KRT82: variants seen among roughly 807,000 people sequenced by gnomAD.
The protein encoded by KRT82 is keratin, type II cuticular Hb2.
Under a neutral mutation model 48.0 loss-of-function variants are expected in KRT82, and 44 were observed. That is an observed-to-expected ratio of 0.92 (90% CI 0.72 to 1.18). KRT82 has a LOEUF of 1.18. KRT82 is among the 50% of genes most tolerant of loss of function. KRT82 has a pLI of 0.00. For missense variants in KRT82, 701 were observed against 671.4 expected, an observed-to-expected ratio of 1.04 and a Z score of -0.49; for synonymous variants, 297 against 278.3, an observed-to-expected ratio of 1.07 and a Z score of -0.67.
intron 6 of KRT82, 108 bp downstream of exon 6, chr12:52,396,775 C>T (rs1299288888): frequency 3.1e-6 from 4 of 1,273,152 alleles, no homozygotes; most frequent in Non-Finnish European, 4.4e-6. Context: ...CAAGTTTATT[C>T]CCTCTTCAAT....
At position 52,396,059 on chromosome 12, in the gene KRT82, G is replaced by T; in HGVS notation, c.1242C>A (p.Asp414Glu). ...GGCGCCTGTAGGTGGCGATCTCGAT[G>T]TCCAGGCCCAGCTTGGAGTTCATCA... Reference protein sequence around the residue: ...QEVMNSKLGLDIEIATYRRLL... With the variant: ...QEVMNSKLGLEIEIATYRRLL... Residue 414 changes from aspartate (D) to glutamate (E), a missense_variant, in exon 7 of 9, where the codon GAC (aspartate) becomes GAA (glutamate). Coordinates refer to ENST00000257974, the MANE Select transcript of KRT82 (RefSeq NM_033033.4). 2 of 1,614,180 alleles carry T rather than the reference G, an allele frequency of 1.2e-6. No homozygotes were observed. Among genetic ancestry groups the T allele is most frequent in the Non-Finnish European group, 1.7e-6 (2 of 1,180,040 alleles).
intron 5 of KRT82, among the ~76,000 whole-genome samples, chr12:52,399,012 A>G (rs1939751681): frequency 6.6e-6 from 1 of 151,570 alleles, no homozygotes. Context: ...AAATGACAAC[A>G]CCTTTGCCTT....
chr12:52,396,819 C>G, intron 6 of KRT82, 64 bp downstream of exon 6: 5 of 1,596,670 alleles, frequency 3.1e-6, no homozygotes, highest in Non-Finnish European at 4.3e-6. Context: ...CCGCCCTGCA[C>G]GGCACAGACT....
chr12:52,396,017 C>T lies in KRT82; in HGVS notation c.1284G>A (p.Glu428=), dbSNP rs771015006. 2.5e-6 allele frequency: 4 copies of T among 1,614,034 alleles called. No individual in the cohort carries two copies. The African/African-American group carries it at 5.3e-5, about 22-fold the overall frequency. Residue 428 remains glutamate (E), a synonymous_variant, in exon 7 of 9, where the codon GAG becomes GAA. Coordinates refer to ENST00000257974, the MANE Select transcript of KRT82 (RefSeq NM_033033.4). ...CCCCTCCTGGAGGAGCTCACCTGTGCTCTTCACCCTCCAGCAGGCGCCTGT... is the reference window on the plus strand; with the variant it reads ...CCCCTCCTGGAGGAGCTCACCTGTGTTCTTCACCCTCCAGCAGGCGCCTGT... ...ATYRRLLEGE[E]HRLCEGIGPV... is the part of the protein sequence containing the mutation.
chr12:52,394,689 T>G lies in KRT82; in HGVS notation c.*286A>C. 1 of 480,368 alleles carries G rather than the reference T, an allele frequency of 2.1e-6. No individual in the cohort carries two copies. The highest frequency in any genetic ancestry group is 3.8e-6 in the Non-Finnish European group (1 of 263,548). 29.8% of individuals were successfully genotyped at this position (480,368 alleles called of 1,614,324 possible). On this transcript the variant is annotated 3_prime_UTR_variant, in exon 9 of 9. Transcript: ENST00000257974. The stretch of plus-strand genomic sequence containing the variant: ...GTGTGCCCATTTGACCTTTTGGGGG[T>G]TATTGCCATTCTGCGGTTAAGAGCA...
In KRT82 at chr12:52,395,111, T is replaced by C. The variant is rs1939693977; in HGVS notation, c.1406A>G (p.Asn469Ser). Reference sequence around the variant, plus strand: ...AGTGCCCACGATGCTGCAGCCCCCATTGCTCCTGAGGACGCCAGTGCTGAG... The same window carrying C: ...AGTGCCCACGATGCTGCAGCCCCCACTGCTCCTGAGGACGCCAGTGCTGAG... The part of the protein sequence containing the change: ...PVLSTGVLRS[N>S]GGCSIVGTGE... Residue 469 changes from asparagine to serine, a missense_variant, in exon 9 of 9, where the codon AAT becomes AGT. Asn to Ser is a conservative substitution (Grantham distance 46). Transcript: ENST00000257974. 3.7e-6 allele frequency: 6 copies of C among 1,614,030 alleles called. No individual in the cohort carries two copies. Among genetic ancestry groups the C allele is most frequent in the Non-Finnish European group, 5.1e-6 (6 of 1,179,984 alleles).
intron 1 of KRT82, among the ~76,000 whole-genome samples, chr12:52,404,290 T>G (rs1012408180): frequency 6.6e-6 from 1 of 152,168 alleles, no homozygotes; most frequent in South Asian, 2.1e-4. Flanking sequence ...GGACAGTGTA[T>G]GGGAAGGGAC....
At position 52,396,075 on chromosome 12, in the gene KRT82, G is replaced by C; in HGVS notation, c.1226C>G (p.Ser409Cys). The C allele has an allele frequency of 6.2e-7, 1 of 1,614,132 alleles. No individual in the cohort carries two copies. The highest frequency in any genetic ancestry group is 1.3e-5 in the African/African-American group (1 of 75,022). ...LLKEYQEVMN[S>C]KLGLDIEIAT... ...GATCTCGATGTCCAGGCCCAGCTTG[G>C]AGTTCATCACCTCCTGATATTCCTT... The change falls in exon 7 of 9, where the codon TCC becomes TGC. Residue 409 changes from serine (S) to cysteine (C), a missense_variant. Transcript: ENST00000257974.
At chr12:52,402,033 C>T in intron 2 of KRT82, 1 of 152,338 alleles carries the variant, frequency 6.6e-6, no homozygotes, top group Non-Finnish European at 1.5e-5. Context: ...GCCTAGCCCC[C>T]TGGGTTTGAA....
At position 52,400,150 on chromosome 12, in the gene KRT82, C is replaced by T. The variant is rs1939768655; in HGVS notation, c.778-1G>A. 6.2e-7 allele frequency: 1 copy of T among 1,612,308 alleles called. No individual in the cohort carries two copies. Among genetic ancestry groups the T allele is most frequent in the Admixed American group, 1.7e-5 (1 of 59,972 alleles). On this transcript the variant is annotated splice_acceptor_variant, in intron 4 of 8. Coordinates refer to ENST00000257974, the MANE Select transcript of KRT82 (RefSeq NM_033033.4). LOFTEE classifies it high-confidence loss of function. ...TCTGAGACTGGAGCAGGCAGATCTC[C>T]TGGGGGCAGGGCCCATGTGAGAAGG... is the stretch of plus-strand genomic sequence containing the variant.
chr12:52,396,185 C>A lies in KRT82; in HGVS notation c.1116G>T (p.Glu372Asp). 1 of 1,614,124 alleles carries A rather than the reference C, an allele frequency of 6.2e-7. No individual in the cohort carries two copies. Among genetic ancestry groups the A allele is most frequent in the Non-Finnish European group, 8.5e-7 (1 of 1,180,036 alleles). The part of the protein sequence containing the change: ...GAIAEAEQQG[E>D]AALNDAKCKL... The stretch of plus-strand genomic sequence containing the variant: ...TGCACTTGGCATCATTGAGAGCCGC[C>A]TCGCCCTGCTGCTCTGCCTCAGCTA... The change falls in exon 7 of 9, where the codon GAG becomes GAT. Residue 372 changes from glutamate (E) to aspartate (D), a missense_variant. Physicochemically the swap from Glu to Asp is conservative, Grantham distance 45 (BLOSUM62 2). Coordinates refer to ENST00000257974, the MANE Select transcript of KRT82 (RefSeq NM_033033.4).
At chr12:52,398,348 G>A (rs1939741238) in intron 5 of KRT82, among the ~76,000 whole-genome samples, 1 of 152,100 alleles carries the variant, frequency 6.6e-6, no homozygotes, top group Admixed American at 6.5e-5. Context: ...GATGGAGCAT[G>A]TATTACAGAT....
chr12:52,397,072 C>T (rs746778784), intron 5 of KRT82, 64 bp from the exon 6 acceptor site: 19 of 1,582,476 alleles, frequency 1.2e-5, no homozygotes, highest in Non-Finnish European at 1.6e-5. Flanking sequence ...CCTCTTTTCT[C>T]ACTGTTCCCA....
intron 8 of KRT82, among the ~76,000 whole-genome samples, chr12:52,395,473 C>T (rs530117714): frequency 6.6e-6 from 1 of 152,342 alleles, no homozygotes; most frequent in South Asian, 2.1e-4. Context: ...CCTAAGCTTG[C>T]TTCAAATCCT....
chr12:52,405,390 T>G (rs1219577875), intron 1 of KRT82, among the ~76,000 whole-genome samples: 2 of 152,236 alleles, frequency 1.3e-5, no homozygotes, highest in African/African-American at 4.8e-5. Flanking sequence ...TAGCTCTGAC[T>G]GTCCACTTTC....
rs755734562 is a variant in KRT82 at position 52,403,959 on chromosome 12, T to A, written c.412-50A>T. The A allele has an allele frequency of 9.0e-6, 14 of 1,557,090 alleles. No individual in the cohort carries two copies. The South Asian group carries it at 1.6e-4, about 18-fold the overall frequency. ...CAGGCAGCAGAGATCCTGGGGACCA[T>A]GACTTAGAGAGGGCAATGGAATGAG... On this transcript the variant is annotated intron_variant, in intron 1 of 8. Coordinates refer to ENST00000257974, the MANE Select transcript of KRT82 (RefSeq NM_033033.4).
At chr12:52,404,529 G>C (rs1020102281) in intron 1 of KRT82, among the ~76,000 whole-genome samples, 1 of 152,192 alleles carries the variant, frequency 6.6e-6, no homozygotes, top group Non-Finnish European at 1.5e-5. Flanking sequence ...CTGAGATTAG[G>C]AGTTGAGTAA....
At chr12:52,399,340 G>A (rs1182118028) in intron 5 of KRT82, among the ~76,000 whole-genome samples, 2 of 152,246 alleles carry the variant, frequency 1.3e-5, no homozygotes, top group Non-Finnish European at 2.9e-5. Context: ...TGTCTGTTCT[G>A]TTCCCTGCTG....
chr12:52,396,199 C>G lies in KRT82; in HGVS notation c.1102G>C (p.Glu368Gln). ...CKLEGAIAEA[E>Q]QQGEAALNDA... ...TTGAGAGCCGCCTCGCCCTGCTGCT[C>G]TGCCTCAGCTATGGCACCCTCAAGT... The change falls in exon 7 of 9, where the codon GAG becomes CAG. Residue 368 changes from glutamate (E) to glutamine (Q), a missense_variant. Glu to Gln is a conservative substitution (Grantham distance 29). Transcript: ENST00000257974. The G allele has an allele frequency of 6.2e-7, 1 of 1,613,944 alleles. No individual in the cohort carries two copies. Among genetic ancestry groups the G allele is most frequent in the East Asian group, 2.2e-5 (1 of 44,880 alleles).
Sources: allele counts gnomAD v4.1 joint callset (sites outside exome capture counted in the v4.1 genomes callset), GRCh38; gene constraint gnomAD v4.1.1; transcripts MANE v1.5; gene names NCBI Gene and HGNC (gene_info 2026-07-23, HGNC 2026-07-21).